SGMS2: variants seen among roughly 807,000 people sequenced by gnomAD.
The protein encoded by SGMS2 is phosphatidylcholine:ceramide cholinephosphotransferase 2.
SGMS2 carries 21 observed loss-of-function variants against 43.8 expected under a neutral mutation model. The observed-to-expected ratio is 0.48, with a 90% confidence interval of 0.34 to 0.69. The LOEUF is 0.69. Among genes scored for constraint, SGMS2 ranks in the 30% least tolerant of loss-of-function variants. The pLI, the probability that SGMS2 is intolerant of heterozygous loss-of-function variation, is 0.01. For synonymous variants in SGMS2, 167 were observed against 160.6 expected (o/e 1.04, Z -0.30); for missense variants, 384 against 443.2 (o/e 0.87, Z 1.20).
intron 2 of SGMS2, among the ~76,000 whole-genome samples, chr4:107,889,618 G>T (rs978852208): frequency 1.7e-4 from 26 of 152,026 alleles, no homozygotes; most frequent in African/African-American, 5.6e-4. Flanking sequence ...GCATAGACAT[G>T]TTAGGCATGC....
chr4:107,867,318 G>C (rs1253982585), intron 2 of SGMS2: 1 of 152,142 alleles, frequency 6.6e-6, no homozygotes, highest in African/African-American at 2.4e-5. Context: ...GACCCAGCCT[G>C]GGAATTACAT....
chr4:107,833,225 A>AT (rs1236273870), intron 1 of SGMS2, among the ~76,000 whole-genome samples: 2 of 152,094 alleles, frequency 1.3e-5, no homozygotes, highest in South Asian at 4.2e-4. Context: ...CATTCTTTTT[A>AT]TTTTTTTAGC....
chr4:107,827,943 G>C (rs190648218), intron 1 of SGMS2, among the ~76,000 whole-genome samples: 1 of 152,062 alleles, frequency 6.6e-6, no homozygotes, highest in African/African-American at 2.4e-5. Flanking sequence ...CTGAGATTGC[G>C]TCACTGCACT....
intron 2 of SGMS2, chr4:107,867,251 G>A (rs947364091): frequency 6.6e-6 from 1 of 152,124 alleles, no homozygotes; most frequent in African/African-American, 2.4e-5. Flanking sequence ...CTTTTCTGGA[G>A]CATTTCTGTC....
At chr4:107,859,099 A>G (rs569982124) in intron 2 of SGMS2, among the ~76,000 whole-genome samples, 1 of 152,282 alleles carries the variant, frequency 6.6e-6, no homozygotes, top group Admixed American at 6.5e-5. Flanking sequence ...AAGCAGTACA[A>G]CTCAATTCAC....
intron 1 of SGMS2, among the ~76,000 whole-genome samples, chr4:107,830,424 G>A (rs1725826924): frequency 6.6e-6 from 1 of 152,068 alleles, no homozygotes; most frequent in Admixed American, 6.6e-5. Flanking sequence ...TCAAATGGTA[G>A]TTCTGTTCTA....
chr4:107,884,019 TTAA>T (rs1412127410), intron 2 of SGMS2, among the ~76,000 whole-genome samples: 2 of 152,204 alleles, frequency 1.3e-5, no homozygotes, highest in Non-Finnish European at 2.9e-5. Flanking sequence ...TTTTCAATTT[TTAA>T]TATTTTCTAC....
intron 4 of SGMS2, among the ~76,000 whole-genome samples, 197 bp downstream of exon 4, chr4:107,899,889 A>G (rs1209959825): frequency 1.3e-5 from 2 of 152,062 alleles, no homozygotes; most frequent in Admixed American, 6.6e-5. Context: ...AAAAAAATGT[A>G]TTTTCTGTTA....
At chr4:107,892,616 A>G (rs1730326557) in intron 2 of SGMS2, among the ~76,000 whole-genome samples, 1 of 152,184 alleles carries the variant, frequency 6.6e-6, no homozygotes, top group Admixed American at 6.5e-5. Context: ...TTAGGGGGAT[A>G]TGAGACATCA....
chr4:107,841,316 C>G (rs1726484413), intron 1 of SGMS2, among the ~76,000 whole-genome samples: 1 of 152,100 alleles, frequency 6.6e-6, no homozygotes, highest in Non-Finnish European at 1.5e-5. Flanking sequence ...TGCAGAGTTT[C>G]CCAAATCTTT....
chr4:107,856,779 A>G (rs1051835530), intron 1 of SGMS2, among the ~76,000 whole-genome samples: 6 of 152,190 alleles, frequency 3.9e-5, no homozygotes, highest in African/African-American at 1.4e-4. Context: ...ACTGGAATAT[A>G]GCATTTTGGG....
chr4:107,857,544 A>ATG (rs1399015870), intron 1 of SGMS2, among the ~76,000 whole-genome samples: 1 of 151,076 alleles, frequency 6.6e-6, no homozygotes, highest in African/African-American at 2.4e-5. Flanking sequence ...ATATATATAT[A>ATG]TATATATATG....
chr4:107,897,094 A>C (rs1182616489), intron 3 of SGMS2, among the ~76,000 whole-genome samples: 1 of 152,190 alleles, frequency 6.6e-6, no homozygotes, highest in African/African-American at 2.4e-5. Context: ...TTACTTGATC[A>C]ATTATAGAAC....
Position 107,910,370 on chromosome 4 carries a change from G to C in SGMS2, c.915G>C (p.Gln305His). The C allele has an allele frequency of 1.2e-6, 2 of 1,614,046 alleles. No homozygotes were observed. The highest frequency in any genetic ancestry group is 1.7e-6 in the Non-Finnish European group (2 of 1,179,974). ...ANEKNLKVSSQTNFLSRAWWF... is the reference protein window; with the variant it reads ...ANEKNLKVSSHTNFLSRAWWF... ...TACAGAACTTGAAGGTCTCTTCACA[G>C]ACTAATTTCTTATCTCGAGCATGGT... Residue 305 changes from glutamine (Q) to histidine (H), a missense_variant, in exon 7 of 7, where the codon CAG (glutamine) becomes CAC (histidine). Physicochemically the swap from Gln to His is conservative, Grantham distance 24. Transcript: ENST00000690982.
Position 107,888,841 on chromosome 4 carries a change from A to T in SGMS2, c.-244-6469A>T, listed in dbSNP as rs947061816. Among the ~76,000 whole-genome samples, 20 of 152,162 alleles carry T rather than the reference A, an allele frequency of 1.3e-4. No individual in the cohort carries two copies. The East Asian group carries it at 3.7e-3, about 28-fold the overall frequency. On this transcript the variant is annotated intron_variant, in intron 2 of 6. Transcript: ENST00000690982. ...ATTTAACTTTAGATTCTAAATTATG[A>T]CCTGTTTGTCTACAATTATTTATCC...
chr4:107,838,152 A>G (rs529925965), intron 1 of SGMS2, among the ~76,000 whole-genome samples: 1 of 152,318 alleles, frequency 6.6e-6, no homozygotes, highest in East Asian at 1.9e-4. Context: ...GGGGTAACCA[A>G]TGAGGAGGAC....
At chr4:107,840,067 A>T (rs1027885061) in intron 1 of SGMS2, among the ~76,000 whole-genome samples, 1 of 152,234 alleles carries the variant, frequency 6.6e-6, no homozygotes, top group Non-Finnish European at 1.5e-5. Flanking sequence ...GTTTAATAGA[A>T]AACTGAAGAG....
intron 2 of SGMS2, among the ~76,000 whole-genome samples, chr4:107,892,915 T>A (rs538319831): frequency 8.5e-4 from 129 of 152,258 alleles, no homozygotes; most frequent in African/African-American, 3.0e-3. Context: ...AAAATAGGAA[T>A]GAATATGTTG....
rs1253509455 is a variant in SGMS2, at chr4:107,841,596, A to G, written c.-327+16343A>G. On this transcript the variant is annotated intron_variant, in intron 1 of 6. Transcript: ENST00000690982. ...CTAGTTGGGAAAGCTGTAATAATAGATGCTACTTATCATGGTACTTTTTAA... is the reference window on the plus strand; with the variant it reads ...CTAGTTGGGAAAGCTGTAATAATAGGTGCTACTTATCATGGTACTTTTTAA... Among the ~76,000 whole-genome samples the G allele has an allele frequency of 2.6e-5, 4 of 152,256 alleles. No homozygotes were observed. In the East Asian group the frequency reaches 7.7e-4, roughly 29 times the overall value.
Sources: allele counts gnomAD v4.1 joint callset (sites outside exome capture counted in the v4.1 genomes callset), GRCh38; gene constraint gnomAD v4.1.1; transcripts MANE v1.5; gene names NCBI Gene and HGNC (gene_info 2026-07-23, HGNC 2026-07-21).